The following MCPH1 variants were observed in gnomAD, a reference collection of about 807,000 sequenced individuals.
MCPH1 encodes the protein microcephalin.
MCPH1 carries 104 observed loss-of-function variants against 84.5 expected under a neutral mutation model. The ratio of observed to expected loss-of-function variants is 1.23; its 90% CI spans 1.05 to 1.45. MCPH1 has a LOEUF of 1.45. Among genes scored for constraint, MCPH1 ranks in the 40% most tolerant of loss-of-function variants. The probability of loss-of-function intolerance (pLI) is 0.00; values close to 1 mark genes in which losing one functional copy is unlikely to be tolerated. For synonymous variants in MCPH1, 514 were observed against 366.8 expected, an observed-to-expected ratio of 1.40 and a Z score of -4.58; for missense variants, 1,498 against 1,005.7, an observed-to-expected ratio of 1.49 and a Z score of -6.62.
chr8:6,560,105 A>T (rs1825298876), intron 12 of MCPH1, among the ~76,000 whole-genome samples: 1 of 152,206 alleles, frequency 6.6e-6, no homozygotes, highest in African/African-American at 2.4e-5. Flanking sequence ...ACTTGGTCTT[A>T]GTTTCCTTCC....
intron 10 of MCPH1, 48 bp from the exon 11 acceptor site, chr8:6,480,666 T>C: frequency 3.1e-6 from 5 of 1,608,618 alleles, no homozygotes; most frequent in Non-Finnish European, 4.3e-6. Context: ...TTGATGGGCA[T>C]GTGCAACAAA....
intron 12 of MCPH1, among the ~76,000 whole-genome samples, chr8:6,553,537 C>G (rs1824045021): frequency 6.6e-6 from 1 of 152,212 alleles, no homozygotes; most frequent in South Asian, 2.1e-4. Flanking sequence ...TCCAAGATAC[C>G]TCTTATTTTG....
chr8:6,410,606 C>A (rs942140064), intron 2 of MCPH1, among the ~76,000 whole-genome samples: 7 of 152,114 alleles, frequency 4.6e-5, no homozygotes, highest in Non-Finnish European at 8.8e-5. Context: ...GTATCTTTTG[C>A]CCACGCACAC....
rs1586716197 is a variant in MCPH1, at chr8:6,585,616, G to A, written c.2215-35838G>A. On this transcript the variant is annotated intron_variant, in intron 12 of 13. Coordinates refer to ENST00000344683, the MANE Select transcript of MCPH1 (RefSeq NM_024596.5). Reference sequence around the variant, plus strand: ...TTTTTCCCTCTACTGAAATTTATTTGTGACATCAGGCATCACTTTCACCTT... The same window carrying A: ...TTTTTCCCTCTACTGAAATTTATTTATGACATCAGGCATCACTTTCACCTT... 2.0e-5 allele frequency among the ~76,000 whole-genome samples: 3 copies of A among 152,316 alleles called. No homozygotes were observed. In the East Asian group the frequency reaches 5.8e-4, roughly 29 times the overall value.
chr8:6,435,144 G>A (rs1356292058), intron 4 of MCPH1, among the ~76,000 whole-genome samples: 1 of 152,146 alleles, frequency 6.6e-6, no homozygotes, highest in Middle Eastern at 3.2e-3. Context: ...GCTGATTGGA[G>A]TTACTGTGAT....
intron 3 of MCPH1, among the ~76,000 whole-genome samples, chr8:6,422,437 G>A (rs1966818): frequency 0.24 from 37,189 of 152,118 alleles, 5,666 homozygotes; most frequent in African/African-American, 0.43. Context: ...GGAGATGCAT[G>A]GACAAAATTA....
In MCPH1 at chr8:6,423,135, A is replaced by AG. The variant is rs562354356; in HGVS notation, c.233+8254dup. On this transcript the variant is annotated intron_variant, in intron 3 of 13. Coordinates refer to ENST00000344683, the MANE Select transcript of MCPH1 (RefSeq NM_024596.5). ...CGTGCCTGGCAAAAGCACACTTTTA[A>AG]GGTCCTCAGAAGCTCAAAAGTGAAC... Among the ~76,000 whole-genome samples the AG allele has an allele frequency of 4.2e-3, 628 of 150,496 alleles. 10 individuals are homozygous for AG. Among genetic ancestry groups the AG allele is most frequent in the Admixed American group, 6.7e-3 (102 of 15,152 alleles).
At chr8:6,425,560 C>T (rs576989098) in intron 3 of MCPH1, among the ~76,000 whole-genome samples, 2 of 152,292 alleles carry the variant, frequency 1.3e-5, no homozygotes, top group South Asian at 2.1e-4. Flanking sequence ...CATCTCTGTG[C>T]ACCTTACATC....
At chr8:6,500,290 C>G (rs1013501352) in intron 12 of MCPH1, 1 of 211,390 alleles carries the variant, frequency 4.7e-6, no homozygotes, top group Non-Finnish European at 9.6e-6. Flanking sequence ...AAGATTATGG[C>G]TTGCTGGTGC....
At chr8:6,479,183 C>T (rs1338303629) in intron 10 of MCPH1, among the ~76,000 whole-genome samples, 1 of 152,050 alleles carries the variant, frequency 6.6e-6, no homozygotes, top group Non-Finnish European at 1.5e-5. Flanking sequence ...AGGAGGATCA[C>T]TTGAGCCCTG....
At chr8:6,461,101 C>A (rs974382810) in intron 9 of MCPH1, among the ~76,000 whole-genome samples, 1 of 152,056 alleles carries the variant, frequency 6.6e-6, no homozygotes, top group African/African-American at 2.4e-5. Flanking sequence ...TTGCAAAAGA[C>A]ACACTAAACA....
intron 9 of MCPH1, 177 bp from the exon 10 acceptor site, chr8:6,477,417 C>G (rs909693055): frequency 1.2e-5 from 7 of 600,458 alleles, no homozygotes; most frequent in South Asian, 8.3e-5. Flanking sequence ...ATCTGAGTTT[C>G]TATCTCTTGG....
intron 11 of MCPH1, among the ~76,000 whole-genome samples, chr8:6,498,807 T>C (rs1811594550): frequency 6.6e-6 from 1 of 152,038 alleles, no homozygotes. Flanking sequence ...ATAACATGCA[T>C]TGAGGCTGAG....
In MCPH1 at chr8:6,477,637, T is replaced by C; in HGVS notation, c.1973+6T>C. On this transcript the variant is annotated splice_donor_region_variant and intron_variant, in intron 10 of 13. Transcript: ENST00000344683. The stretch of plus-strand genomic sequence containing the variant: ...ATGACAAGCATGCCATCTGAGTAAG[T>C]ACTTGTTTTGATTTCTGTTCAATGT... 1 of 1,611,528 alleles carries C rather than the reference T, an allele frequency of 6.2e-7. No homozygotes were observed. The highest frequency in any genetic ancestry group is 8.5e-7 in the Non-Finnish European group (1 of 1,177,926).
chr8:6,488,278 G>A (rs1324749165), intron 11 of MCPH1, among the ~76,000 whole-genome samples: 4 of 152,204 alleles, frequency 2.6e-5, no homozygotes, highest in African/African-American at 7.2e-5. Flanking sequence ...GAGCCGCTGT[G>A]CTTCCCAGGA....
In MCPH1 at chr8:6,643,521, T is replaced by C. The variant is rs964332837; in HGVS notation, c.*472T>C. On this transcript the variant is annotated 3_prime_UTR_variant, in exon 14 of 14. Transcript: ENST00000344683. ...CTCAGGTGATCTGTCAGGCCTCTTCTATAGAATTCCAGTCTTTGTGTCTTA... is the reference window on the plus strand; with the variant it reads ...CTCAGGTGATCTGTCAGGCCTCTTCCATAGAATTCCAGTCTTTGTGTCTTA... 5 of 188,192 alleles carry C rather than the reference T, an allele frequency of 2.7e-5. No individual in the cohort carries two copies. The highest frequency in any genetic ancestry group is 9.5e-5 in the African/African-American group (4 of 42,030). 11.7% of individuals were successfully genotyped at this position (188,192 alleles called of 1,614,324 possible). A position where few individuals can be genotyped will look rare whatever the true frequency, so the allele number is the denominator to read the frequency against.
chr8:6,460,389 A>AT (rs1806145281), intron 9 of MCPH1, among the ~76,000 whole-genome samples: 1 of 151,234 alleles, frequency 6.6e-6, no homozygotes, highest in Admixed American at 6.6e-5. Flanking sequence ...TTTTTTAATT[A>AT]TTTTTTGTAG....
At chr8:6,509,424 G>C (rs996805234) in intron 12 of MCPH1, among the ~76,000 whole-genome samples, 1 of 152,330 alleles carries the variant, frequency 6.6e-6, no homozygotes, top group Admixed American at 6.5e-5. Context: ...TAGAGACGGA[G>C]TCCTGAGACA....
chr8:6,478,659 C>T (rs930025379), intron 10 of MCPH1, among the ~76,000 whole-genome samples: 3 of 152,178 alleles, frequency 2.0e-5, no homozygotes, highest in Admixed American at 2.0e-4. Flanking sequence ...TACTTACTGG[C>T]ACATCCAGCA....
Sources: allele counts gnomAD v4.1 joint callset (sites outside exome capture counted in the v4.1 genomes callset), GRCh38; gene constraint gnomAD v4.1.1; transcripts MANE v1.5; gene names NCBI Gene and HGNC (gene_info 2026-07-23, HGNC 2026-07-21).